SLC13A1: variants seen among roughly 807,000 people sequenced by gnomAD.
SLC13A1 encodes the protein solute carrier family 13 member 1.
SLC13A1 carries 65 observed loss-of-function variants against 70.0 expected under a neutral mutation model. The ratio of observed to expected loss-of-function variants is 0.93; its 90% CI spans 0.76 to 1.14. The LOEUF is 1.14. Ranked by LOEUF, SLC13A1 falls within the 50% of genes most tolerant of loss-of-function variation. The probability of loss-of-function intolerance (pLI) is 0.00; values close to 1 mark genes in which losing one functional copy is unlikely to be tolerated. For synonymous variants in SLC13A1, 275 were observed against 250.5 expected (o/e 1.10, Z -0.92); for missense variants, 726 against 717.8 (o/e 1.01, Z -0.13).
intron 6 of SLC13A1, among the ~76,000 whole-genome samples, chr7:123,152,005 T>C (rs1794573466): frequency 7.0e-6 from 1 of 141,862 alleles, no homozygotes; most frequent in Non-Finnish European, 1.6e-5. Flanking sequence ...GACTGCAGCC[T>C]ACAAAATCTG....
intron 12 of SLC13A1, among the ~76,000 whole-genome samples, chr7:123,119,760 C>T (rs980792445): frequency 6.7e-6 from 1 of 148,302 alleles, no homozygotes; most frequent in Admixed American, 6.9e-5. Flanking sequence ...CATGATAATT[C>T]AGCTCTCTTA....
At chr7:123,151,531 C>A (rs534185273) in intron 6 of SLC13A1, among the ~76,000 whole-genome samples, 1 of 152,120 alleles carries the variant, frequency 6.6e-6, no homozygotes, top group Non-Finnish European at 1.5e-5. Context: ...ATCACTATAA[C>A]AACAAACACT....
rs574628397 is a variant in SLC13A1 at position 123,171,627 on chromosome 7, A to G, written c.365+141T>C. ...CTCAAGTACACTTTATATCACTTTC[A>G]TATTTGCAGAGGAAAAAACGTCATA... On this transcript the variant is annotated intron_variant, in intron 3 of 14. Coordinates refer to ENST00000194130, the MANE Select transcript of SLC13A1 (RefSeq NM_022444.4). 21 of 852,908 alleles carry G rather than the reference A, an allele frequency of 2.5e-5. No individual in the cohort carries two copies. The South Asian group carries it at 3.2e-4, about 13-fold the overall frequency. The allele number at this position is 852,908 out of a possible 1,614,324, so 52.8% of individuals were successfully genotyped here. A position where few individuals can be genotyped will look rare whatever the true frequency, so the allele number is the denominator to read the frequency against.
intron 2 of SLC13A1, among the ~76,000 whole-genome samples, chr7:123,178,176 T>G (rs1795518513): frequency 6.6e-6 from 1 of 152,064 alleles, no homozygotes; most frequent in South Asian, 2.1e-4. Flanking sequence ...GATTTCTGGT[T>G]TAGTTCAACA....
At chr7:123,170,511 C>T (rs1170719736) in intron 3 of SLC13A1, among the ~76,000 whole-genome samples, 1 of 152,168 alleles carries the variant, frequency 6.6e-6, no homozygotes. Context: ...ATTACATCAT[C>T]CTCTGGAACA....
chr7:123,156,367 A>C (rs899240443), intron 6 of SLC13A1, among the ~76,000 whole-genome samples: 3 of 152,144 alleles, frequency 2.0e-5, no homozygotes, highest in Admixed American at 6.6e-5. Flanking sequence ...AAGATGCAAT[A>C]TTTATCTTTT....
At chr7:123,126,836 A>C (rs900744240) in intron 10 of SLC13A1, among the ~76,000 whole-genome samples, 1 of 152,054 alleles carries the variant, frequency 6.6e-6, no homozygotes, top group Non-Finnish European at 1.5e-5. Flanking sequence ...TGGGCCAGGC[A>C]TCATGTAACC....
chr7:123,132,807 G>C (rs937171308), intron 8 of SLC13A1, among the ~76,000 whole-genome samples: 1 of 152,060 alleles, frequency 6.6e-6, no homozygotes. Flanking sequence ...GATATACAGC[G>C]ACTTCACCTT....
Position 123,113,673 on chromosome 7 carries a change from G to A in SLC13A1, c.*1845C>T, listed in dbSNP as rs945977709. On this transcript the variant is annotated 3_prime_UTR_variant, in exon 15 of 15. Coordinates refer to ENST00000194130, the MANE Select transcript of SLC13A1 (RefSeq NM_022444.4). ...GATTATAAATACATGTGTAAAATAT[G>A]GTAGGGAAAGGAACAAATGAATAGA... 28 of 152,034 alleles carry A rather than the reference G, an allele frequency of 1.8e-4. No homozygotes were observed. The highest frequency in any genetic ancestry group is 3.2e-4 in the Non-Finnish European group (22 of 68,016). The allele number at this position is 152,034 out of a possible 1,614,324, so 9.4% of individuals were successfully genotyped here. A position where few individuals can be genotyped will look rare whatever the true frequency, so the allele number is the denominator to read the frequency against.
intron 3 of SLC13A1, among the ~76,000 whole-genome samples, chr7:123,170,572 G>C (rs1208163923): frequency 6.6e-6 from 1 of 152,156 alleles, no homozygotes; most frequent in African/African-American, 2.4e-5. Context: ...ACCCTAAAAG[G>C]CATGGAGCCC....
chr7:123,163,231 T>A (rs192466813), intron 6 of SLC13A1, among the ~76,000 whole-genome samples: 266 of 152,212 alleles, frequency 1.7e-3, no homozygotes, highest in African/African-American at 5.9e-3. Context: ...GTACTGTCAG[T>A]GTAATTTTAG....
Position 123,196,703 on chromosome 7 carries a change from C to T in SLC13A1, c.99+3145G>A, listed in dbSNP as rs17145524. ...GCAACTTTCTACCTTAATGACATTG[C>T]GTACCATAAGGTCAATTGAGGAAAT... On this transcript the variant is annotated intron_variant, in intron 1 of 14. Transcript: ENST00000194130. 2.5e-3 allele frequency among the ~76,000 whole-genome samples: 379 copies of T among 152,128 alleles called. 2 individuals carry two copies. Among genetic ancestry groups the T allele is most frequent in the African/African-American group, 8.8e-3 (366 of 41,512 alleles).
At chr7:123,185,635 C>T (rs117779140) in intron 1 of SLC13A1, among the ~76,000 whole-genome samples, 1,617 of 152,120 alleles carry the variant, frequency 0.011, 14 homozygotes, top group Non-Finnish European at 0.015. Context: ...TTTAATTGGT[C>T]CACATGTCTG....
chr7:123,118,891 A>C (rs757719178), intron 13 of SLC13A1, among the ~76,000 whole-genome samples, 190 bp downstream of exon 13: 3 of 152,076 alleles, frequency 2.0e-5, no homozygotes, highest in Non-Finnish European at 2.9e-5. Context: ...TGAACATGAA[A>C]ACTTAAAAAC....
At chr7:123,148,115 C>G (rs957651846) in intron 6 of SLC13A1, among the ~76,000 whole-genome samples, 1 of 152,156 alleles carries the variant, frequency 6.6e-6, no homozygotes, top group Non-Finnish European at 1.5e-5. Context: ...TAATCCTCCA[C>G]TCACACAAAA....
At chr7:123,156,647 T>C (rs1419115826) in intron 6 of SLC13A1, among the ~76,000 whole-genome samples, 1 of 152,168 alleles carries the variant, frequency 6.6e-6, no homozygotes. Context: ...TTAAAATGTC[T>C]ATAAGAAGAT....
intron 1 of SLC13A1, among the ~76,000 whole-genome samples, chr7:123,189,797 C>T (rs892109504): frequency 1.3e-5 from 2 of 150,984 alleles, no homozygotes; most frequent in Non-Finnish European, 3.0e-5. Context: ...AGATTTTTTT[C>T]TTCTCTATTT....
chr7:123,193,619 T>A (rs1248748657), intron 1 of SLC13A1, among the ~76,000 whole-genome samples: 4 of 152,136 alleles, frequency 2.6e-5, no homozygotes, highest in Admixed American at 2.6e-4. Flanking sequence ...AAATAAGCAA[T>A]GACATCATGA....
intron 14 of SLC13A1, among the ~76,000 whole-genome samples, chr7:123,116,604 C>A (rs2116235951): frequency 6.6e-6 from 1 of 152,298 alleles, no homozygotes; most frequent in South Asian, 2.1e-4. Context: ...CTGTTTTTAT[C>A]CTTTTTAATA....
Sources: allele counts gnomAD v4.1 joint callset (sites outside exome capture counted in the v4.1 genomes callset), GRCh38; gene constraint gnomAD v4.1.1; transcripts MANE v1.5; gene names NCBI Gene and HGNC (gene_info 2026-07-23, HGNC 2026-07-21).